Variants in ABCG2 observed in about 807,000 individuals in gnomAD.
The protein encoded by ABCG2 is ATP binding cassette subfamily G member 2 (JR blood group), also known as broad substrate specificity ATP-binding cassette transporter ABCG2.
Under a neutral mutation model 73.5 loss-of-function variants are expected in ABCG2, and 80 were observed. That is an observed-to-expected ratio of 1.09 (90% CI 0.91 to 1.31). The LOEUF is 1.31. Ranked by LOEUF, ABCG2 falls within the 50% of genes most tolerant of loss-of-function variation. The pLI, the probability that ABCG2 is intolerant of heterozygous loss-of-function variation, is 0.00. For missense variants in ABCG2, 796 were observed against 786.2 expected (o/e 1.01, Z -0.15); for synonymous variants, 269 against 282.4 (o/e 0.95, Z 0.48).
chr4:88,151,625 G>C (rs963338805), intron 1 of ABCG2, among the ~76,000 whole-genome samples: 37 of 152,040 alleles, frequency 2.4e-4, no homozygotes, highest in African/African-American at 8.5e-4. Flanking sequence ...GGTAGTCCCA[G>C]CTGCTGGGGA....
At chr4:88,227,474 T>C (rs1235458198) in intron 1 of ABCG2, among the ~76,000 whole-genome samples, 1 of 152,188 alleles carries the variant, frequency 6.6e-6, no homozygotes, top group Non-Finnish European at 1.5e-5. Flanking sequence ...CATAAATGTA[T>C]TCTTTTAAAA....
At chr4:88,156,743 G>A (rs945123867) in intron 1 of ABCG2, among the ~76,000 whole-genome samples, 13 of 152,218 alleles carry the variant, frequency 8.5e-5, no homozygotes, top group Non-Finnish European at 1.6e-4. Context: ...AAAAATGGCA[G>A]TGCAGGTTTC....
rs186806914 is a variant in ABCG2 at position 88,099,318 on chromosome 4, A to T, written c.1492+6T>A. 2 of 1,587,686 alleles carry T rather than the reference A, an allele frequency of 1.3e-6. No individual in the cohort carries two copies. The highest frequency in any genetic ancestry group is 2.7e-5 in the African/African-American group (2 of 73,866). ...CATGTCCTTTTTTGTTTTGTTACAT[A>T]CTTACCTAACATGAAGTACACTATA... On this transcript the variant is annotated splice_donor_region_variant and intron_variant, in intron 12 of 15. Transcript: ENST00000237612.
In ABCG2 at chr4:88,099,583, C is replaced by T. The variant is rs80169899; in HGVS notation, c.1368-135G>A. The T allele has an allele frequency of 6.5e-4, 547 of 835,424 alleles. 1 individual carries two copies. In the East Asian group the frequency reaches 0.014, roughly 21 times the overall value. The allele number at this position is 835,424 out of a possible 1,614,324, so 51.8% of individuals were successfully genotyped here. ...AGCTTCCCACATCCTCAGGGCTAGA[C>T]CCACTATGCATGCCCATGAATACCT... is the stretch of plus-strand genomic sequence containing the variant. On this transcript the variant is annotated intron_variant, in intron 11 of 15. Coordinates refer to ENST00000237612, the MANE Select transcript of ABCG2 (RefSeq NM_004827.3).
At chr4:88,144,449 CTTTTTTTTTTTTT>C (rs59434855) in intron 1 of ABCG2, among the ~76,000 whole-genome samples, 15 of 77,582 alleles carry the variant, frequency 1.9e-4, no homozygotes, top group African/African-American at 8.1e-4. Context: ...CACATTTTTA[CTTTTTTTTTTTTT>C]TTTTTTTTTT....
intron 10 of ABCG2, among the ~76,000 whole-genome samples, chr4:88,103,095 T>C (rs533729403): frequency 5.9e-5 from 9 of 152,294 alleles, no homozygotes; most frequent in Admixed American, 4.6e-4. Context: ...GTTTTAAAAG[T>C]ATGTACATAT....
Position 88,133,720 on chromosome 4 carries a change from G to A in ABCG2, c.204-1085C>T, listed in dbSNP as rs532180238. Among the ~76,000 whole-genome samples the A allele has an allele frequency of 1.0e-3, 157 of 152,296 alleles. 1 individual carries two copies. The highest frequency in any genetic ancestry group is 3.5e-3 in the African/African-American group (147 of 41,576). On this transcript the variant is annotated intron_variant, in intron 2 of 15. Coordinates refer to ENST00000237612, the MANE Select transcript of ABCG2 (RefSeq NM_004827.3). ...GAACTGGAGAAAGGAGAATTTGGCC[G>A]GGTGTGGTGGCTCATGCCTGTAATC...
intron 1 of ABCG2, among the ~76,000 whole-genome samples, chr4:88,145,996 G>A (rs1053834066): frequency 6.6e-6 from 1 of 152,070 alleles, no homozygotes; most frequent in Non-Finnish European, 1.5e-5. Flanking sequence ...AGAGGCAAGT[G>A]TGGAAGCAAG....
At chr4:88,134,538 TGC>T (rs1350640907) in intron 2 of ABCG2, among the ~76,000 whole-genome samples, 5 of 152,210 alleles carry the variant, frequency 3.3e-5, no homozygotes, top group Non-Finnish European at 7.3e-5. Flanking sequence ...TAGCTCTTGA[TGC>T]ATCTTCTTTA....
intron 1 of ABCG2, among the ~76,000 whole-genome samples, chr4:88,170,146 T>G (rs1027468915): frequency 6.6e-6 from 1 of 151,706 alleles, no homozygotes; most frequent in Admixed American, 6.6e-5. Flanking sequence ...TTTTTAAACC[T>G]TTTTTTCTTT....
chr4:88,211,826 CAATA>C (rs1729612792), intron 1 of ABCG2, among the ~76,000 whole-genome samples: 1 of 152,146 alleles, frequency 6.6e-6, no homozygotes, highest in African/African-American at 2.4e-5. Flanking sequence ...ACGGGATAAG[CAATA>C]AATAGAACTA....
At chr4:88,126,191 T>C (rs549624334) in intron 5 of ABCG2, among the ~76,000 whole-genome samples, 282 of 152,198 alleles carry the variant, frequency 1.9e-3, no homozygotes, top group African/African-American at 6.3e-3. Context: ...GAAATGGATT[T>C]TCCTGTACAC....
At chr4:88,159,929 T>C (rs1023240921), upstream of ABCG2, among the ~76,000 whole-genome samples, 1 of 152,186 alleles carries the variant, frequency 6.6e-6, no homozygotes, top group East Asian at 1.9e-4. Flanking sequence ...TAGAAATACA[T>C]GTTAGTCATA....
chr4:88,105,946 A>G (rs1315599610), intron 10 of ABCG2, among the ~76,000 whole-genome samples: 2 of 152,202 alleles, frequency 1.3e-5, no homozygotes, highest in Non-Finnish European at 2.9e-5. Context: ...GGAGAAAAAG[A>G]AAAGTGTTGG....
In ABCG2 at chr4:88,176,035, C is replaced by T. The variant is rs561055589; in HGVS notation, c.-19-36021G>A. On this transcript the variant is annotated intron_variant, in intron 1 of 15. Coordinates refer to the ABCG2 transcript ENST00000515655. ...AACAACCCTTGTGAAAAATTCCTCA[C>T]AGAGTTCTCTACAGAAAAATGTTGT... Among the ~76,000 whole-genome samples, 257 of 152,290 alleles carry T rather than the reference C, an allele frequency of 1.7e-3. 1 individual carries two copies. The highest frequency in any genetic ancestry group is 5.9e-3 in the African/African-American group (244 of 41,560).
chr4:88,127,907 C>G (rs1229186060), intron 5 of ABCG2, among the ~76,000 whole-genome samples: 1 of 136,744 alleles, frequency 7.3e-6, no homozygotes, highest in Non-Finnish European at 1.6e-5. Flanking sequence ...CCAAAATTGA[C>G]AAATGGGATC....
At position 88,113,563 on chromosome 4, in the gene ABCG2, C is replaced by G. The variant is rs201098587; in HGVS notation, c.944-10G>C. 1 of 1,606,186 alleles carries G rather than the reference C, an allele frequency of 6.2e-7. No individual in the cohort carries two copies. The highest frequency in any genetic ancestry group is 8.5e-7 in the Non-Finnish European group (1 of 1,175,980). ...TCTATGATCTCTGTGGCTTTGCAAT[C>G]AGTGGATAAAAAGGAAACACAAACA... is the stretch of plus-strand genomic sequence containing the variant. On this transcript the variant is annotated splice_polypyrimidine_tract_variant and intron_variant, in intron 8 of 15. Coordinates refer to ENST00000237612, the MANE Select transcript of ABCG2 (RefSeq NM_004827.3).
intron 1 of ABCG2, among the ~76,000 whole-genome samples, chr4:88,189,024 A>AC (rs796238991): frequency 1.4e-3 from 217 of 151,146 alleles, no homozygotes; most frequent in African/African-American, 4.2e-3. Context: ...AACAACAACA[A>AC]AAAAAACACA....
At chr4:88,131,309 C>T in intron 4 of ABCG2, 96 bp from the exon 5 acceptor site, 10 of 1,311,898 alleles carry the variant, frequency 7.6e-6, no homozygotes, top group Non-Finnish European at 1.1e-5. Context: ...ACAAAGATAA[C>T]ATAACTAAGG....
Sources: gnomAD v4.1 joint callset for allele counts (sites outside exome capture counted in the v4.1 genomes callset) on GRCh38, gnomAD v4.1.1 for gene constraint, MANE v1.5 for transcripts, NCBI Gene and HGNC (gene_info 2026-07-23, HGNC 2026-07-21) for gene names.